The following BEST3 variants were observed in gnomAD, a reference collection of about 807,000 sequenced individuals.
BEST3 encodes the protein bestrophin 3.
BEST3 carries 50 observed loss-of-function variants against 47.1 expected under a neutral mutation model. That is an observed-to-expected ratio of 1.06 (90% confidence interval 0.85 to 1.34). The LOEUF (loss-of-function observed/expected upper bound fraction) is 1.34, where lower values mean the gene tolerates loss of function less well. Ranked by LOEUF, BEST3 falls within the 40% of genes most tolerant of loss-of-function variation. The probability of loss-of-function intolerance (pLI) is 0.00; values close to 1 mark genes in which losing one functional copy is unlikely to be tolerated. For synonymous variants in BEST3, 282 were observed against 298.8 expected, an observed-to-expected ratio of 0.94 and a Z score of 0.58; for missense variants, 765 against 817.0, an observed-to-expected ratio of 0.94 and a Z score of 0.78.
chr12:69,651,385 G>A (rs1317784197), downstream of BEST3, among the ~76,000 whole-genome samples: 2 of 152,142 alleles, frequency 1.3e-5, no homozygotes, highest in South Asian at 2.1e-4. Context: ...GAAAACACTG[G>A]TTTTCCTTAT....
chr12:69,647,111 A>G (rs191537986), intron 9 of BEST3, among the ~76,000 whole-genome samples: 1 of 152,314 alleles, frequency 6.6e-6, no homozygotes, highest in East Asian at 1.9e-4. Context: ...AGACCTCAGC[A>G]AGTAAGAACA....
chr12:69,666,030 T>A (rs915130745), intron 9 of BEST3, among the ~76,000 whole-genome samples: 4 of 152,156 alleles, frequency 2.6e-5, no homozygotes, highest in Non-Finnish European at 5.9e-5. Flanking sequence ...AAACTTCTTT[T>A]TTTTTCTGAG....
chr12:69,684,499 A>G, intron 4 of BEST3: 1 of 597,082 alleles, frequency 1.7e-6, no homozygotes, highest in South Asian at 2.0e-5. Context: ...GTTGAGGCAG[A>G]TGTCTTTTGC....
At chr12:69,683,317 T>C (rs1483640946) in intron 4 of BEST3, 1 of 152,256 alleles carries the variant, frequency 6.6e-6, no homozygotes, top group Non-Finnish European at 1.5e-5. Flanking sequence ...GACATTAATG[T>C]ATCCTCTAAG....
chr12:69,674,995 T>C (rs1389396671), intron 7 of BEST3, among the ~76,000 whole-genome samples: 3 of 151,756 alleles, frequency 2.0e-5, no homozygotes, highest in African/African-American at 7.3e-5. Flanking sequence ...CCTCCCAGGT[T>C]CAAGTGATTC....
In BEST3 at chr12:69,655,585, G is replaced by C. The variant is rs556190053; in HGVS notation, c.1329C>G (p.Pro443=). The stretch of plus-strand genomic sequence containing the variant: ...TCTTCCAGGTGGGTGAGGCCCTGGG[G>C]GGGTTTCTTGAGGGCACATCCAGTA... The part of the protein sequence containing the change: ...RDLLDVPSRN[P]PRASPTWKKS... The change falls in exon 10 of 10, where the codon CCC becomes CCG. Residue 443 remains proline (P), a synonymous_variant. Coordinates refer to ENST00000330891, the MANE Select transcript of BEST3 (RefSeq NM_032735.3). The C allele has an allele frequency of 6.2e-7, 1 of 1,614,056 alleles. No homozygotes were observed. Among genetic ancestry groups the C allele is most frequent in the African/African-American group, 1.3e-5 (1 of 75,016 alleles).
chr12:69,675,615 A>G (rs1426537891), intron 7 of BEST3, among the ~76,000 whole-genome samples: 1 of 152,206 alleles, frequency 6.6e-6, no homozygotes, highest in Non-Finnish European at 1.5e-5. Context: ...GTGATTTTAT[A>G]TTTATAAAGC....
In BEST3 at chr12:69,655,278, T is replaced by C. The variant is rs750098709; in HGVS notation, c.1636A>G (p.Met546Val). ...PSKTEQQQGP[M>V]GSILSPSEKE... ...TCTGAGGGAGACAGGATGGATCCCATGGGGCCCTGCTGCTGCTCAGTCTTG... is the reference window on the plus strand; with the variant it reads ...TCTGAGGGAGACAGGATGGATCCCACGGGGCCCTGCTGCTGCTCAGTCTTG... The change falls in exon 10 of 10, where the codon ATG (methionine) becomes GTG (valine). Residue 546 changes from methionine to valine, a missense_variant. Met to Val is a conservative substitution (Grantham distance 21). Coordinates refer to ENST00000330891, the MANE Select transcript of BEST3 (RefSeq NM_032735.3). 7.4e-6 allele frequency: 12 copies of C among 1,614,042 alleles called. No homozygotes were observed. In the Admixed American group the frequency reaches 1.0e-4, roughly 13 times the overall value.
Position 69,654,405 on chromosome 12 carries a change from G to A in BEST3, c.*502C>T, listed in dbSNP as rs4367985. 3.0e-6 allele frequency: 3 copies of A among 985,104 alleles called. No homozygotes were observed. In the African/African-American group the frequency reaches 5.3e-5, roughly 17 times the overall value. The allele number at this position is 985,104 out of a possible 1,614,324, so 61.0% of individuals were successfully genotyped here. On this transcript the variant is annotated 3_prime_UTR_variant, in exon 10 of 10. Coordinates refer to ENST00000330891, the MANE Select transcript of BEST3 (RefSeq NM_032735.3). ...ATAGTTATAAAAGTAGGAATGAGAT[G>A]GTTAGAAAGCCTCAAACAAAAACGT...
chr12:69,662,786 A>G (rs533856221), intron 9 of BEST3, among the ~76,000 whole-genome samples: 23 of 152,334 alleles, frequency 1.5e-4, no homozygotes, highest in African/African-American at 5.5e-4. Flanking sequence ...ACATTTTGAC[A>G]TAATTATTTG....
intron 9 of BEST3, among the ~76,000 whole-genome samples, chr12:69,648,164 C>T (rs977744046): frequency 5.3e-5 from 8 of 152,068 alleles, no homozygotes; most frequent in South Asian, 2.1e-4. Context: ...TCAATCTGTT[C>T]GTGGGTCTAC....
intron 4 of BEST3, among the ~76,000 whole-genome samples, chr12:69,682,625 G>A (rs552007578): frequency 9.2e-5 from 14 of 152,154 alleles, no homozygotes; most frequent in Middle Eastern, 3.4e-3. Flanking sequence ...ATCCAGACTG[G>A]AGTGCAGTGG....
At position 69,655,000 on chromosome 12, in the gene BEST3, G is replaced by A. The variant is rs771996750; in HGVS notation, c.1914C>T (p.Val638=). The A allele has an allele frequency of 2.5e-6, 4 of 1,614,074 alleles. No individual in the cohort carries two copies. The highest frequency in any genetic ancestry group is 3.4e-6 in the Non-Finnish European group (4 of 1,180,010). ...SGINIVAGSR[V]SSDMLYLMEN... is the part of the protein sequence containing the mutation. ...CCATTAAATACAGCATATCAGAAGA[G>A]ACTCGAGAGCCAGCCACAATGTTGA... The change falls in exon 10 of 10, where the codon GTC becomes GTT. Residue 638 remains valine, a synonymous_variant. Coordinates refer to ENST00000330891, the MANE Select transcript of BEST3 (RefSeq NM_032735.3).
chr12:69,694,239 T>C (rs1565844892), intron 3 of BEST3, 131 bp downstream of exon 3: 11 of 626,960 alleles, frequency 1.8e-5, no homozygotes, highest in Middle Eastern at 6.1e-4. Flanking sequence ...TTATGGATGA[T>C]TCTGGTTCTA....
chr12:69,666,516 C>A (rs922183656), intron 9 of BEST3, among the ~76,000 whole-genome samples: 2 of 152,170 alleles, frequency 1.3e-5, no homozygotes, highest in African/African-American at 2.4e-5. Context: ...GTACCTTTGG[C>A]CTCTTGGCAG....
chr12:69,671,277 A>G, intron 9 of BEST3, 151 bp downstream of exon 9: 1 of 755,614 alleles, frequency 1.3e-6, no homozygotes, highest in East Asian at 3.1e-5. Context: ...CAATCCTCCA[A>G]CTGCAGCCTC....
In BEST3 at chr12:69,694,161, C is replaced by T. The variant is rs1221615543; in HGVS notation, c.247+209G>A. 4 of 570,276 alleles carry T rather than the reference C, an allele frequency of 7.0e-6. No homozygotes were observed. The Admixed American group carries it at 1.3e-4, about 19-fold the overall frequency. The allele number at this position is 570,276 out of a possible 1,614,324, so 35.3% of individuals were successfully genotyped here. On this transcript the variant is annotated intron_variant, in intron 3 of 9. Coordinates refer to ENST00000330891, the MANE Select transcript of BEST3 (RefSeq NM_032735.3). Reference sequence around the variant, plus strand: ...GTTAGTGAAGAGAAAGCTTAAATGTCCAATAGCAGATTATTTCCTCAAACT... The same window carrying T: ...GTTAGTGAAGAGAAAGCTTAAATGTTCAATAGCAGATTATTTCCTCAAACT...
intron 9 of BEST3, among the ~76,000 whole-genome samples, chr12:69,646,517 A>G (rs1029642476): frequency 3.3e-5 from 5 of 152,100 alleles, no homozygotes; most frequent in African/African-American, 1.2e-4. Context: ...AAGCCAGTGA[A>G]TGGAGCTTAC....
chr12:69,689,293 G>A, intron 4 of BEST3: 1 of 984,552 alleles, frequency 1.0e-6, no homozygotes, highest in Non-Finnish European at 1.2e-6. Flanking sequence ...AAAGCAGCAG[G>A]AAGTTCAGTG....
Sources: allele counts gnomAD v4.1 joint callset (sites outside exome capture counted in the v4.1 genomes callset), GRCh38; gene constraint gnomAD v4.1.1; transcripts MANE v1.5; gene names NCBI Gene and HGNC (gene_info 2026-07-23, HGNC 2026-07-21).